ADAMTSL1: variants seen among roughly 807,000 people sequenced by gnomAD.
The protein encoded by ADAMTSL1 is ADAMTS like 1.
A neutral mutation model predicts 201.8 loss-of-function variants in ADAMTSL1; 126 were observed. The ratio of observed to expected loss-of-function variants is 0.62; its 90% CI spans 0.54 to 0.72. ADAMTSL1 has a LOEUF of 0.72. Among genes scored for constraint, ADAMTSL1 ranks in the 30% least tolerant of loss-of-function variants. ADAMTSL1 has a pLI of 0.00. For missense variants in ADAMTSL1, 2,679 were observed against 2,277.8 expected (o/e 1.18, Z -3.59); for synonymous variants, 1,121 against 903.4 (o/e 1.24, Z -4.32).
intron 4 of ADAMTSL1, among the ~76,000 whole-genome samples, chr9:18,617,718 C>T (rs987673291): frequency 4.6e-5 from 7 of 152,110 alleles, no homozygotes; most frequent in African/African-American, 1.4e-4. Context: ...CTAGTGGTAT[C>T]TAAACAATGA....
chr9:18,443,911 T>A (rs1022234407), intron 2 of ADAMTSL1, among the ~76,000 whole-genome samples: 3 of 152,148 alleles, frequency 2.0e-5, no homozygotes, highest in African/African-American at 7.2e-5. Context: ...TAGTAAACCA[T>A]TTTTTTATTA....
intron 1 of ADAMTSL1, among the ~76,000 whole-genome samples, chr9:17,965,712 A>G (rs760389529): frequency 8.5e-4 from 130 of 152,160 alleles, no homozygotes; most frequent in Non-Finnish European, 1.7e-3. Context: ...TTGGGCTTGA[A>G]TAATTGATTC....
chr9:18,776,323 C>T (rs1417207515), intron 18 of ADAMTSL1, among the ~76,000 whole-genome samples: 1 of 152,214 alleles, frequency 6.6e-6, no homozygotes, highest in South Asian at 2.1e-4. Context: ...CTTGCAGGAC[C>T]CAGAAGGCAA....
At chr9:18,666,822 T>G (rs1345286918) in intron 9 of ADAMTSL1, among the ~76,000 whole-genome samples, 1 of 152,142 alleles carries the variant, frequency 6.6e-6, no homozygotes, top group Non-Finnish European at 1.5e-5. Flanking sequence ...CAGCTTTAGA[T>G]GTAAAATATA....
intron 20 of ADAMTSL1, among the ~76,000 whole-genome samples, chr9:18,811,386 G>T (rs980590562): frequency 1.3e-5 from 2 of 152,228 alleles, no homozygotes; most frequent in Non-Finnish European, 2.9e-5. Context: ...TGTAGAGGAG[G>T]TCTCCTGGAG....
intron 2 of ADAMTSL1, among the ~76,000 whole-genome samples, chr9:18,522,589 C>T (rs540991346): frequency 7.0e-6 from 1 of 142,412 alleles, no homozygotes; most frequent in East Asian, 2.1e-4. Context: ...ATCCCGCCCC[C>T]CTCCCCACAC....
intron 1 of ADAMTSL1, among the ~76,000 whole-genome samples, chr9:18,069,523 A>G (rs1158329960): frequency 6.6e-6 from 1 of 152,190 alleles, no homozygotes; most frequent in East Asian, 1.9e-4. Flanking sequence ...TCTATTTCAT[A>G]TTGTTTTAAT....
rs544348290 is a variant in ADAMTSL1, at chr9:18,046,718, T to A, written c.88-117144T>A. Among the ~76,000 whole-genome samples, 39 of 152,304 alleles carry A rather than the reference T, an allele frequency of 2.6e-4. 1 individual carries two copies. The Middle Eastern group carries it at 0.01, about 40-fold the overall frequency. ...AATCTACCATTTATTGAATTCTACC[T>A]GCTTCATTACATTTTATCCTATGTA... On this transcript the variant is annotated intron_variant, in intron 1 of 29. Transcript: ENST00000680146.
chr9:18,299,545 A>G (rs1401403086), intron 2 of ADAMTSL1, among the ~76,000 whole-genome samples: 3 of 152,182 alleles, frequency 2.0e-5, no homozygotes, highest in Non-Finnish European at 4.4e-5. Context: ...GAGAGAACAC[A>G]AGGAACAGGC....
chr9:18,716,477 A>G (rs1832942201), intron 14 of ADAMTSL1, among the ~76,000 whole-genome samples: 1 of 152,272 alleles, frequency 6.6e-6, no homozygotes, highest in African/African-American at 2.4e-5. Flanking sequence ...GCCAAAAACC[A>G]CGTGAAAAAA....
At chr9:17,907,259 C>T (rs1465028621) in intron 1 of ADAMTSL1, among the ~76,000 whole-genome samples, 5 of 152,180 alleles carry the variant, frequency 3.3e-5, no homozygotes, top group Admixed American at 6.5e-5. Context: ...GTCCTCTACC[C>T]CCCACCCTTT....
intron 1 of ADAMTSL1, among the ~76,000 whole-genome samples, chr9:17,998,076 C>T (rs932886757): frequency 6.6e-6 from 1 of 152,006 alleles, no homozygotes; most frequent in South Asian, 2.1e-4. Context: ...AATTGGACTA[C>T]TTAGGCATCT....
chr9:18,462,959 A>T (rs936088704), intron 2 of ADAMTSL1, among the ~76,000 whole-genome samples: 3 of 151,910 alleles, frequency 2.0e-5, no homozygotes, highest in African/African-American at 7.2e-5. Flanking sequence ...AAATAAAAAT[A>T]AAAAATAAAA....
chr9:18,437,659 A>G (rs941697770), intron 2 of ADAMTSL1, among the ~76,000 whole-genome samples: 2 of 152,078 alleles, frequency 1.3e-5, no homozygotes, highest in African/African-American at 4.8e-5. Flanking sequence ...AAAGAAAGCT[A>G]CCCACAATAC....
intron 1 of ADAMTSL1, among the ~76,000 whole-genome samples, chr9:18,052,467 T>C (rs977798820): frequency 6.6e-6 from 1 of 152,010 alleles, no homozygotes; most frequent in African/African-American, 2.4e-5. Flanking sequence ...GAGAAACCAG[T>C]GTGTGTGAAG....
At chr9:18,906,554 A>ATCAGAATCCAGGTCTAG in intron 27 of ADAMTSL1, 138 bp from the exon 28 acceptor site, 1 of 699,988 alleles carries the variant, frequency 1.4e-6, no homozygotes, top group Non-Finnish European at 2.3e-6. Flanking sequence ...CAGCACAGAA[A>ATCAGAATCCAGGTCTAG]TCAGAATCCA....
chr9:18,876,950 A>C (rs1828200338), intron 23 of ADAMTSL1, among the ~76,000 whole-genome samples: 1 of 152,126 alleles, frequency 6.6e-6, no homozygotes. Flanking sequence ...CATTTGTTTT[A>C]ATCTTTTTTT....
intron 2 of ADAMTSL1, among the ~76,000 whole-genome samples, chr9:18,508,825 C>T (rs1011773305): frequency 1.3e-5 from 2 of 152,096 alleles, no homozygotes; most frequent in East Asian, 3.8e-4. Context: ...GTAATTAGGT[C>T]ATTGCTTAAA....
intron 2 of ADAMTSL1, among the ~76,000 whole-genome samples, chr9:18,328,692 G>A (rs563495598): frequency 2.6e-5 from 4 of 152,276 alleles, no homozygotes; most frequent in African/African-American, 9.6e-5. Context: ...AAAATAATGA[G>A]TGACACAGTA....
Sources: allele counts gnomAD v4.1 joint callset (sites outside exome capture counted in the v4.1 genomes callset), GRCh38; gene constraint gnomAD v4.1.1; transcripts MANE v1.5; gene names NCBI Gene and HGNC (gene_info 2026-07-23, HGNC 2026-07-21).